Variants in CDH12 observed in about 807,000 individuals in gnomAD.
CDH12 encodes the protein cadherin 12.
In CDH12, 41 loss-of-function variants were observed where a neutral mutation model predicts 74.1. That is an observed-to-expected ratio of 0.55 (90% CI 0.43 to 0.72). The LOEUF is 0.72. CDH12 is among the 30% of genes least tolerant of loss of function. CDH12 has a pLI of 0.00. For synonymous variants in CDH12, 399 were observed against 355.0 expected (o/e 1.12, Z -1.39); for missense variants, 945 against 977.2 (o/e 0.97, Z 0.44).
intron 3 of CDH12, among the ~76,000 whole-genome samples, chr5:22,402,036 C>T (rs569024359): frequency 2.6e-5 from 4 of 152,278 alleles, no homozygotes; most frequent in South Asian, 2.1e-4. Flanking sequence ...TGAGACAATA[C>T]ATTTTTGTTG....
At chr5:22,269,671 T>A (rs185535181) in intron 3 of CDH12, among the ~76,000 whole-genome samples, 1 of 152,290 alleles carries the variant, frequency 6.6e-6, no homozygotes, top group African/African-American at 2.4e-5. Context: ...TACAGGAAAC[T>A]CCAGATAAGA....
chr5:22,592,893 G>A (rs556796091), intron 1 of CDH12, among the ~76,000 whole-genome samples: 28 of 151,778 alleles, frequency 1.8e-4, no homozygotes, highest in African/African-American at 6.3e-4. Context: ...AGCCAGGTGT[G>A]GTGGCATGCG....
chr5:22,177,126 G>A (rs895398091), intron 4 of CDH12, among the ~76,000 whole-genome samples: 2 of 152,094 alleles, frequency 1.3e-5, no homozygotes, highest in African/African-American at 4.8e-5. Flanking sequence ...ATGAAACAGG[G>A]ATTTTGACTT....
Position 21,755,623 on chromosome 5 carries a change from A to G in CDH12, c.1853T>C (p.Ile618Thr), listed in dbSNP as rs1371156851. 2 of 1,613,908 alleles carry G rather than the reference A, an allele frequency of 1.2e-6. No individual in the cohort carries two copies. Among genetic ancestry groups the G allele is most frequent in the East Asian group, 2.2e-5 (1 of 44,878 alleles). Residue 618 changes from isoleucine (I) to threonine (T), a missense_variant, in exon 14 of 15, where the codon ATT becomes ACT. Around this residue, in one of 3 missense-constraint regions of CDH12, gnomAD observed 791 missense variants for 792.8 expected, o/e 1.00. Transcript: ENST00000382254. ...TATAACAATGCATAGTAGAATTGCA[A>G]TCAACGCCCCAGTGCTAAGTCCTAC... ...LPVGLSTGAL[I>T]AILLCIVILL...
intron 2 of CDH12, among the ~76,000 whole-genome samples, chr5:22,436,310 GGGAT>G: frequency 1.6e-5 from 1 of 62,126 alleles, no homozygotes; most frequent in Non-Finnish European, 3.0e-5. Context: ...GGAGGGGGGA[GGGAT>G]AGCATTAGGA....
At chr5:22,226,591 G>C (rs1752202330) in intron 3 of CDH12, among the ~76,000 whole-genome samples, 3 of 152,024 alleles carry the variant, frequency 2.0e-5, no homozygotes, top group Non-Finnish European at 4.4e-5. Flanking sequence ...CTTCACTAGA[G>C]CTCTGACTTC....
intron 1 of CDH12, among the ~76,000 whole-genome samples, chr5:22,777,723 G>T (rs1747174402): frequency 6.6e-6 from 1 of 152,016 alleles, no homozygotes; most frequent in Non-Finnish European, 1.5e-5. Flanking sequence ...TATAAATTTT[G>T]ATTGCATTCT....
intron 6 of CDH12, among the ~76,000 whole-genome samples, chr5:21,967,261 A>G (rs1756627117): frequency 6.6e-6 from 1 of 152,194 alleles, no homozygotes; most frequent in African/African-American, 2.4e-5. Context: ...AAAGCCAGAG[A>G]CAATTGGGCC....
intron 1 of CDH12, among the ~76,000 whole-genome samples, chr5:22,815,826 C>T (rs1749368820): frequency 6.7e-6 from 1 of 148,228 alleles, no homozygotes; most frequent in Non-Finnish European, 1.5e-5. Flanking sequence ...AAACATACTA[C>T]CGGTGAAAGA....
chr5:22,276,079 G>A (rs1477746121), intron 3 of CDH12, among the ~76,000 whole-genome samples: 1 of 152,054 alleles, frequency 6.6e-6, no homozygotes, highest in Admixed American at 6.6e-5. Flanking sequence ...TTAGATTGAG[G>A]TTGGAATGTA....
intron 3 of CDH12, among the ~76,000 whole-genome samples, chr5:22,356,211 C>T (rs1271182413): frequency 6.6e-6 from 1 of 152,034 alleles, no homozygotes; most frequent in African/African-American, 2.4e-5. Flanking sequence ...GGGAGAATAG[C>T]AATATTTTCC....
intron 6 of CDH12, among the ~76,000 whole-genome samples, chr5:21,928,691 T>A: frequency 6.6e-6 from 1 of 152,286 alleles, no homozygotes; most frequent in East Asian, 1.9e-4. Flanking sequence ...GTATACTAGT[T>A]ATTAATTGAG....
intron 1 of CDH12, among the ~76,000 whole-genome samples, chr5:22,533,975 CA>C (rs1737709741): frequency 6.6e-6 from 1 of 152,058 alleles, no homozygotes; most frequent in Admixed American, 6.5e-5. Flanking sequence ...ATAAAATATG[CA>C]ATAAGAACCG....
intron 3 of CDH12, among the ~76,000 whole-genome samples, chr5:22,244,703 GAA>G (rs1324908527): frequency 3.0e-5 from 4 of 133,844 alleles, no homozygotes; most frequent in African/African-American, 1.1e-4. Context: ...AAAAGAAAAA[GAA>G]AGAGAAAGAG....
chr5:22,452,159 T>C (rs1745070067), intron 2 of CDH12, among the ~76,000 whole-genome samples: 1 of 151,912 alleles, frequency 6.6e-6, no homozygotes, highest in South Asian at 2.1e-4. Flanking sequence ...CAAAGTGACA[T>C]AGAGGTTCAA....
intron 4 of CDH12, among the ~76,000 whole-genome samples, chr5:22,195,825 TATGAG>T (rs1365886642): frequency 4.6e-5 from 7 of 152,280 alleles, no homozygotes; most frequent in Non-Finnish European, 8.8e-5. Context: ...TTTAGCTCAA[TATGAG>T]GGAATAAAAG....
At chr5:22,544,073 C>T (rs1447965255) in intron 1 of CDH12, among the ~76,000 whole-genome samples, 1 of 151,980 alleles carries the variant, frequency 6.6e-6, no homozygotes, top group Non-Finnish European at 1.5e-5. Context: ...AAAATGGGTT[C>T]ATTTTTCCTT....
At chr5:22,764,544 T>C (rs1281178211) in intron 1 of CDH12, among the ~76,000 whole-genome samples, 1 of 151,998 alleles carries the variant, frequency 6.6e-6, no homozygotes, top group Non-Finnish European at 1.5e-5. Context: ...ATGAAGAACA[T>C]GGTATTATAA....
chr5:21,982,286 T>C (rs1757338171), intron 5 of CDH12, among the ~76,000 whole-genome samples: 2 of 152,156 alleles, frequency 1.3e-5, no homozygotes, highest in African/African-American at 4.8e-5. Context: ...TGACTTCAAT[T>C]AAAACATTGG....
Sources: allele counts gnomAD v4.1 joint callset (sites outside exome capture counted in the v4.1 genomes callset), GRCh38; gene constraint gnomAD v4.1.1; regional missense constraint gnomAD v4.1.1; transcripts MANE v1.5; gene names NCBI Gene and HGNC (gene_info 2026-07-23, HGNC 2026-07-21).